Variants in DNAH5 observed in about 807,000 individuals in gnomAD.
DNAH5 encodes the protein axonemal beta dynein heavy chain 5.
DNAH5 carries 372 observed loss-of-function variants against 518.2 expected under a neutral mutation model. The ratio of observed to expected loss-of-function variants is 0.72; its 90% CI spans 0.66 to 0.78. The LOEUF is 0.78. Among genes scored for constraint, DNAH5 ranks in the 30% least tolerant of loss-of-function variants. The pLI is 0.00. For missense variants in DNAH5, 5,523 were observed against 5,687.0 expected, an observed-to-expected ratio of 0.97 and a Z score of 0.93; for synonymous variants, 2,039 against 2,025.9, an observed-to-expected ratio of 1.01 and a Z score of -0.17.
At position 13,810,647 on chromosome 5, in the gene DNAH5, G is replaced by A. The variant is rs112002893; in HGVS notation, c.7408-387C>T. 9.7e-3 allele frequency: 1,666 copies of A among 172,344 alleles called. 37 individuals are homozygous for A. Among genetic ancestry groups the A allele is most frequent in the African/African-American group, 0.037 (1,542 of 41,530 alleles). 10.7% of individuals were successfully genotyped at this position (172,344 alleles called of 1,614,324 possible). ...CGGGCGCCTGTAGTCCCAGCTACCCGGGAGGCTGAGGCAGGAGAATGGCGT... is the reference window on the plus strand; with the variant it reads ...CGGGCGCCTGTAGTCCCAGCTACCCAGGAGGCTGAGGCAGGAGAATGGCGT... On this transcript the variant is annotated intron_variant, in intron 44 of 78. Coordinates refer to ENST00000265104, the MANE Select transcript of DNAH5 (RefSeq NM_001369.3).
intron 70 of DNAH5, among the ~76,000 whole-genome samples, chr5:13,725,364 T>C (rs903109447): frequency 7.9e-5 from 12 of 152,174 alleles, no homozygotes; most frequent in Admixed American, 7.2e-4. Flanking sequence ...AAGAAACATA[T>C]GCAGAGACCC....
chr5:13,781,173 C>A (rs1162840506), intron 52 of DNAH5, among the ~76,000 whole-genome samples: 1 of 151,944 alleles, frequency 6.6e-6, no homozygotes, highest in African/African-American at 2.4e-5. Context: ...GTGGGGTGTG[C>A]CTTTAGGAAG....
chr5:13,891,004 G>T lies in DNAH5; in HGVS notation c.2549C>A (p.Thr850Asn). The T allele has an allele frequency of 6.2e-7, 1 of 1,614,118 alleles. No individual in the cohort carries two copies. Among genetic ancestry groups the T allele is most frequent in the South Asian group, 1.1e-5 (1 of 91,088 alleles). ...TGTCATTTGGAGAAACTCTTCACAG[G>T]TTAGTGGCTCCTCCTGGGGAAGCTG... ...LCQLPQEEPL[T>N]CEEFLQMTKD... Residue 850 changes from threonine to asparagine, a missense_variant, in exon 17 of 79, where the codon ACC becomes AAC. Coordinates refer to ENST00000265104, the MANE Select transcript of DNAH5 (RefSeq NM_001369.3).
At chr5:13,892,906 C>A (rs1773463348) in intron 16 of DNAH5, among the ~76,000 whole-genome samples, 1 of 152,106 alleles carries the variant, frequency 6.6e-6, no homozygotes, top group African/African-American at 2.4e-5. Context: ...ACATTAAAAG[C>A]CATTTAGCAT....
chr5:13,706,651 C>T (rs1337926907), intron 76 of DNAH5, among the ~76,000 whole-genome samples: 1 of 152,186 alleles, frequency 6.6e-6, no homozygotes, highest in Non-Finnish European at 1.5e-5. Context: ...GGCTCCATCC[C>T]TTCAAATGTC....
At chr5:13,835,103 G>A (rs1295982254) in intron 35 of DNAH5, among the ~76,000 whole-genome samples, 1 of 151,948 alleles carries the variant, frequency 6.6e-6, no homozygotes, top group Non-Finnish European at 1.5e-5. Flanking sequence ...TGGCCAACAC[G>A]GTGAAACCCC....
chr5:13,871,806 T>C (rs1412888784), intron 22 of DNAH5, 41 bp from the exon 23 acceptor site: 23 of 1,547,382 alleles, frequency 1.5e-5, no homozygotes, highest in Non-Finnish European at 2.0e-5. Flanking sequence ...AGGAAGAATC[T>C]GAAAGGCACA....
At position 13,890,973 on chromosome 5, in the gene DNAH5, GA is replaced by G; in HGVS notation, c.2577+2del. 6.2e-7 allele frequency: 1 copy of G among 1,613,990 alleles called. No homozygotes were observed. Among genetic ancestry groups the G allele is most frequent in the East Asian group, 2.2e-5 (1 of 44,876 alleles). On this transcript the variant is annotated splice_donor_variant, in intron 17 of 78. Coordinates refer to ENST00000265104, the MANE Select transcript of DNAH5 (RefSeq NM_001369.3). LOFTEE classifies it high-confidence loss of function. ...AAACAAAAAAAATCAAGGTTTTAAT[GA>G]CCTTTGTCATTTGGAGAAACTCTTC...
intron 60 of DNAH5, among the ~76,000 whole-genome samples, chr5:13,760,736 A>G (rs928517486): frequency 2.0e-5 from 3 of 152,202 alleles, no homozygotes; most frequent in Admixed American, 1.3e-4. Context: ...TGTCTAAGAG[A>G]TTCCACCTGG....
rs908529905 is a variant in DNAH5 at position 13,706,077 on chromosome 5, G to A, written c.13338+2046C>T. On this transcript the variant is annotated intron_variant, in intron 76 of 78. Transcript: ENST00000265104. ...GCAGTCAAAAAATCCTACCACACCT[G>A]CCACTGCACTCTCCAGGTGGGTGTC... Among the ~76,000 whole-genome samples, 11 of 152,180 alleles carry A rather than the reference G, an allele frequency of 7.2e-5. No individual in the cohort carries two copies. The South Asian group carries it at 2.1e-3, about 29-fold the overall frequency.
At chr5:13,808,348 G>T (rs534398568) in intron 46 of DNAH5, among the ~76,000 whole-genome samples, 6 of 151,996 alleles carry the variant, frequency 3.9e-5, no homozygotes, top group Non-Finnish European at 5.9e-5. Flanking sequence ...ACCCCAGCCT[G>T]CCAACACCTT....
In DNAH5 at chr5:13,830,028, T is replaced by C. The variant is rs760567496; in HGVS notation, c.6247A>G (p.Met2083Val). 2.5e-6 allele frequency: 4 copies of C among 1,613,426 alleles called. No homozygotes were observed. The African/African-American group carries it at 5.3e-5, about 22-fold the overall frequency. ...TAGCTTTTCTAGCAGCTCCTTACCA[T>C]GGTTAAGAAAAGCCCAAATTCAGGG... The part of the protein sequence containing the change: ...MNPEFGLFLT[M>V]NPGYAGRQEL... The change falls in exon 37 of 79, where the codon ATG (methionine) becomes GTG (valine). Residue 2083 changes from methionine to valine, a missense_variant and splice_region_variant. Transcript: ENST00000265104.
intron 3 of DNAH5, among the ~76,000 whole-genome samples, chr5:13,925,760 T>C (rs894137191): frequency 8.6e-5 from 13 of 152,012 alleles, no homozygotes; most frequent in Non-Finnish European, 1.5e-4. Flanking sequence ...CAAGATGAGA[T>C]TTGGGTGGCG....
chr5:13,734,148 G>C (rs1308146658), intron 68 of DNAH5, among the ~76,000 whole-genome samples: 1 of 152,102 alleles, frequency 6.6e-6, no homozygotes, highest in African/African-American at 2.4e-5. Context: ...ATAGTCACTA[G>C]AGAGCTTGCT....
At chr5:13,869,307 A>G (rs1769735156) in intron 24 of DNAH5, among the ~76,000 whole-genome samples, 1 of 116,072 alleles carries the variant, frequency 8.6e-6, no homozygotes, top group Non-Finnish European at 1.8e-5. Context: ...TGAAAAGATG[A>G]TGATTTTACA....
chr5:13,830,721 A>G lies in DNAH5; in HGVS notation c.5937T>C (p.Ala1979=), dbSNP rs2151838128. The change falls in exon 36 of 79, where the codon GCT becomes GCC. Residue 1979 remains alanine (A), a synonymous_variant. Transcript: ENST00000265104. The part of the protein sequence containing the change: ...ALGMSMGGAP[A]GPAGTGKTET... The stretch of plus-strand genomic sequence containing the variant: ...CTGTTTTGCCTGTGCCTGCAGGTCC[A>G]GCAGGGGCTCCCCCCATGCTCATTC... 6.2e-7 allele frequency: 1 copy of G among 1,614,208 alleles called. No individual in the cohort carries two copies. Among genetic ancestry groups the G allele is most frequent in the Non-Finnish European group, 8.5e-7 (1 of 1,180,028 alleles).
chr5:13,918,451 T>C (rs995543325), intron 7 of DNAH5, among the ~76,000 whole-genome samples: 4 of 152,084 alleles, frequency 2.6e-5, no homozygotes, highest in African/African-American at 4.8e-5. Context: ...GAGTGTGAGA[T>C]TGAAATATTG....
At chr5:13,919,916 A>C (rs539062852) in intron 6 of DNAH5, among the ~76,000 whole-genome samples, 1 of 152,228 alleles carries the variant, frequency 6.6e-6, no homozygotes, top group Non-Finnish European at 1.5e-5. Flanking sequence ...CGGTCACCCA[A>C]TCTGCAATCA....
intron 38 of DNAH5, among the ~76,000 whole-genome samples, chr5:13,829,302 T>C (rs1479795649): frequency 6.6e-6 from 1 of 152,094 alleles, no homozygotes; most frequent in African/African-American, 2.4e-5. Context: ...ATTCACTTCA[T>C]TTCTATGCTG....
Sources: allele counts gnomAD v4.1 joint callset (sites outside exome capture counted in the v4.1 genomes callset), GRCh38; gene constraint gnomAD v4.1.1; transcripts MANE v1.5; gene names NCBI Gene and HGNC (gene_info 2026-07-23, HGNC 2026-07-21).